PIEZO2: variants seen among roughly 807,000 people sequenced by gnomAD.
The protein encoded by PIEZO2 is piezo type mechanosensitive ion channel component 2.
Under a neutral mutation model 337.3 loss-of-function variants are expected in PIEZO2, and 172 were observed. That is an observed-to-expected ratio of 0.51 (90% CI 0.45 to 0.58). The LOEUF is 0.58. Ranked by LOEUF, PIEZO2 falls within the 20% of genes least tolerant of loss-of-function variation. The probability of loss-of-function intolerance (pLI) is 0.00; values close to 1 mark genes in which losing one functional copy is unlikely to be tolerated. For synonymous variants in PIEZO2, 1,251 were observed against 1,228.5 expected (o/e 1.02, Z -0.38); for missense variants, 3,028 against 3,391.3 (o/e 0.89, Z 2.66).
intron 3 of PIEZO2, among the ~76,000 whole-genome samples, chr18:10,944,877 C>A (rs1317877263): frequency 1.3e-5 from 2 of 151,900 alleles, no homozygotes; most frequent in African/African-American, 4.8e-5. Context: ...GACAGTGGTT[C>A]CTAAGGGGGG....
intron 4 of PIEZO2, among the ~76,000 whole-genome samples, chr18:10,887,988 G>A (rs1341707652): frequency 6.6e-6 from 1 of 152,082 alleles, no homozygotes; most frequent in Non-Finnish European, 1.5e-5. Context: ...TTTGAACTTT[G>A]TAAGGATATA....
In PIEZO2 at chr18:10,763,873, T is replaced by C. The variant is rs528967378; in HGVS notation, c.2947-775A>G. ...CGCGGATTCAACATGGGAGGCAAAATTAGCTGGACTTGATGACTGATTGGC... is the reference window on the plus strand; with the variant it reads ...CGCGGATTCAACATGGGAGGCAAAACTAGCTGGACTTGATGACTGATTGGC... On this transcript the variant is annotated intron_variant, in intron 21 of 55. Transcript: ENST00000674853. Among the ~76,000 whole-genome samples, 14 of 152,146 alleles carry C rather than the reference T, an allele frequency of 9.2e-5. No individual in the cohort carries two copies. In the East Asian group the frequency reaches 2.7e-3, roughly 29 times the overall value.
chr18:10,838,666 T>C (rs773545607), intron 7 of PIEZO2, among the ~76,000 whole-genome samples: 1 of 152,256 alleles, frequency 6.6e-6, no homozygotes, highest in Non-Finnish European at 1.5e-5. Context: ...ACAGGCATTC[T>C]TTCTCTGATG....
rs965882088 is a variant in PIEZO2 at position 10,830,449 on chromosome 18, G to A, written c.918-23175C>T. 6.6e-6 allele frequency among the ~76,000 whole-genome samples: 1 copy of A among 150,616 alleles called. No homozygotes were observed. The highest frequency in any genetic ancestry group is 2.0e-4 in the East Asian group (1 of 5,062). ...CCTAGCACCATTTATTGAAGAGACT[G>A]TCCTTTCCCCCCTTTTATGCCTCTG... On this transcript the variant is annotated intron_variant, in intron 7 of 55. Coordinates refer to ENST00000674853, the MANE Select transcript of PIEZO2 (RefSeq NM_001378183.1). This position sits in a 1 kb window ranked among gnomAD's most constrained non-coding sequence, Gnocchi z 4.7.
intron 1 of PIEZO2, among the ~76,000 whole-genome samples, chr18:11,085,408 T>C (rs1233922174): frequency 6.6e-6 from 1 of 152,158 alleles, no homozygotes; most frequent in African/African-American, 2.4e-5. Flanking sequence ...TTATTCCTCC[T>C]TTCCTTTTGA....
In PIEZO2 at chr18:10,830,241, G is replaced by A. The variant is rs547702351; in HGVS notation, c.918-22967C>T. 6.5e-4 allele frequency among the ~76,000 whole-genome samples: 99 copies of A among 152,244 alleles called. No homozygotes were observed. The highest frequency in any genetic ancestry group is 1.9e-3 in the African/African-American group (81 of 41,540). On this transcript the variant is annotated intron_variant, in intron 7 of 55. Coordinates refer to ENST00000674853, the MANE Select transcript of PIEZO2 (RefSeq NM_001378183.1). This position sits in a 1 kb window ranked among gnomAD's most constrained non-coding sequence, Gnocchi z 4.7. ...TGCTGGGAAAACTGGATATCCATAC[G>A]CAGAAGATTAACACTAGACCCCTAT... is the stretch of plus-strand genomic sequence containing the variant.
At position 11,027,823 on chromosome 18, in the gene PIEZO2, G is replaced by A. The variant is rs2036588195; in HGVS notation, c.160+38304C>T. 1.1e-5 allele frequency among the ~76,000 whole-genome samples: 1 copy of A among 88,242 alleles called. No individual in the cohort carries two copies. Among genetic ancestry groups the A allele is most frequent in the African/African-American group, 5.9e-5 (1 of 17,018 alleles). 57.9% of individuals were successfully genotyped at this position (88,242 alleles called of 152,430 possible). A position where few individuals can be genotyped will look rare whatever the true frequency, so the allele number is the denominator to read the frequency against. On this transcript the variant is annotated intron_variant, in intron 2 of 55. Transcript: ENST00000674853. This position sits in a 1 kb window ranked among gnomAD's most constrained non-coding sequence, Gnocchi z 4.2. Reference sequence around the variant, plus strand: ...GTTCAATACTGAAATTTCAGCTTATGACTTGGTAAGTGGTTTTTCCATTTG... The same window carrying A: ...GTTCAATACTGAAATTTCAGCTTATAACTTGGTAAGTGGTTTTTCCATTTG...
At position 11,143,623 on chromosome 18, in the gene PIEZO2, ACACACACACACACACACTCTCT is replaced by A. The variant is rs1201112738; in HGVS notation, c.64+4880_64+4901del. ...CTAACACACACACACACACACACAC[ACACACACACACACACACTCTCT>A]CTCTCTCTCTCTCTCTCTCTCTCTC... is the stretch of plus-strand genomic sequence containing the variant. On this transcript the variant is annotated intron_variant, in intron 1 of 55. Coordinates refer to ENST00000674853, the MANE Select transcript of PIEZO2 (RefSeq NM_001378183.1). This position sits in a 1 kb window ranked among gnomAD's most constrained non-coding sequence, Gnocchi z 4.9. Among the ~76,000 whole-genome samples the A allele has an allele frequency of 2.0e-4, 28 of 143,088 alleles. No homozygotes were observed. The highest frequency in any genetic ancestry group is 1.3e-3 in the Admixed American group (19 of 14,524). 93.9% of individuals were successfully genotyped at this position (143,088 alleles called of 152,430 possible).
chr18:11,091,090 A>G (rs778322836), intron 1 of PIEZO2, among the ~76,000 whole-genome samples: 2 of 152,144 alleles, frequency 1.3e-5, no homozygotes, highest in Non-Finnish European at 2.9e-5. Flanking sequence ...TTGAAATTTA[A>G]TAAGAAATAT....
At chr18:10,802,381 G>A (rs1480600148) in intron 9 of PIEZO2, among the ~76,000 whole-genome samples, 2 of 151,992 alleles carry the variant, frequency 1.3e-5, no homozygotes, top group Admixed American at 6.6e-5. Context: ...TCTACCATAC[G>A]AGAAATTAGA....
chr18:10,851,155 C>CTT (rs10592305), intron 7 of PIEZO2, among the ~76,000 whole-genome samples: 71 of 127,922 alleles, frequency 5.6e-4, no homozygotes, highest in East Asian at 1.6e-3. Flanking sequence ...TTTCTTTTAT[C>CTT]TTTTTTTTTT....
intron 2 of PIEZO2, among the ~76,000 whole-genome samples, chr18:11,015,731 G>A (rs1334643733): frequency 1.3e-5 from 2 of 152,116 alleles, no homozygotes; most frequent in Non-Finnish European, 2.9e-5. Flanking sequence ...GACTCTTGCA[G>A]CCCTGGTATT....
At chr18:10,956,144 T>C (rs2033510705) in intron 3 of PIEZO2, among the ~76,000 whole-genome samples, 1 of 152,210 alleles carries the variant, frequency 6.6e-6, no homozygotes, top group African/African-American at 2.4e-5. Context: ...TGATCCAGTT[T>C]AATCCATGAT....
intron 1 of PIEZO2, among the ~76,000 whole-genome samples, chr18:11,134,568 C>T (rs2040429690): frequency 1.3e-5 from 2 of 152,078 alleles, no homozygotes; most frequent in South Asian, 4.1e-4. Flanking sequence ...GTCCAAAAGT[C>T]TAGAATTTTT....
chr18:10,682,160 C>G lies in PIEZO2; in HGVS notation c.7630G>C (p.Gly2544Arg). Residue 2544 changes from glycine to arginine, a missense_variant, in exon 50 of 56, where the codon GGG (glycine) becomes CGG (arginine). Physicochemically the swap from Gly to Arg is moderately radical, Grantham distance 125. This residue lies in a region of PIEZO2 where 179 missense variants were observed against 281.8 expected (regional missense o/e 0.64). Transcript: ENST00000674853. The surrounding 1 kb of genome is among the most constrained non-coding windows in gnomAD (Gnocchi z 5.6). ...ACGTCCAGGGGCTGGTTGATGACCC[C>G]AGCCACAGATTTGATCAAAGACATG... ...LFMSLIKSVA[G>R]VINQPLDVSV... 6.5e-7 allele frequency: 1 copy of G among 1,537,178 alleles called. No homozygotes were observed. The highest frequency in any genetic ancestry group is 8.7e-7 in the Non-Finnish European group (1 of 1,146,896).
At chr18:10,995,380 C>T (rs1406841313) in intron 2 of PIEZO2, among the ~76,000 whole-genome samples, 1 of 152,062 alleles carries the variant, frequency 6.6e-6, no homozygotes, top group East Asian at 1.9e-4. Context: ...GTTCCTTTGT[C>T]GGATGTGTAG....
rs2041504679 is a variant in PIEZO2, at chr18:10,850,292, A to G, written c.917+5061T>C. Among the ~76,000 whole-genome samples, 1 of 152,206 alleles carries G rather than the reference A, an allele frequency of 6.6e-6. No individual in the cohort carries two copies. The highest frequency in any genetic ancestry group is 2.4e-5 in the African/African-American group (1 of 41,436). ...TTACTCTAGAGAAAAATGAAACTCC[A>G]GCCCTGTGCCACACATCGGCGTGGA... On this transcript the variant is annotated intron_variant, in intron 7 of 55. Coordinates refer to ENST00000674853, the MANE Select transcript of PIEZO2 (RefSeq NM_001378183.1). The surrounding 1 kb of genome is among the most constrained non-coding windows in gnomAD (Gnocchi z 4.5).
chr18:11,021,286 T>C lies in PIEZO2; in HGVS notation c.161-41626A>G, dbSNP rs549054003. Reference sequence around the variant, plus strand: ...CCCTGGAAAGAACTCCCAAACCGGTTTTCCATGGACCCAAAGTCAGTGTGG... The same window carrying C: ...CCCTGGAAAGAACTCCCAAACCGGTCTTCCATGGACCCAAAGTCAGTGTGG... On this transcript the variant is annotated intron_variant, in intron 2 of 55. Transcript: ENST00000674853. This position sits in a 1 kb window ranked among gnomAD's most constrained non-coding sequence, Gnocchi z 4.7. Among the ~76,000 whole-genome samples, 1 of 152,352 alleles carries C rather than the reference T, an allele frequency of 6.6e-6. No homozygotes were observed. Among genetic ancestry groups the C allele is most frequent in the South Asian group, 2.1e-4 (1 of 4,828 alleles).
At position 11,148,411 on chromosome 18, in the gene PIEZO2, G is replaced by C; in HGVS notation, c.64+114C>G. 2 of 1,219,982 alleles carry C rather than the reference G, an allele frequency of 1.6e-6. No homozygotes were observed. Among genetic ancestry groups the C allele is most frequent in the East Asian group, 5.1e-5 (2 of 39,008 alleles). 75.6% of individuals were successfully genotyped at this position (1,219,982 alleles called of 1,614,324 possible). A position where few individuals can be genotyped will look rare whatever the true frequency, so the allele number is the denominator to read the frequency against. On this transcript the variant is annotated intron_variant, in intron 1 of 55. Transcript: ENST00000674853. The surrounding 1 kb of genome is among the most constrained non-coding windows in gnomAD (Gnocchi z 5.2). ...GGGACAGCGCGCGTCTGACGCCGCT[G>C]GCCTCCCGAATCGAACCCCAGAGCA...
Sources: allele counts gnomAD v4.1 joint callset (sites outside exome capture counted in the v4.1 genomes callset), GRCh38; gene constraint gnomAD v4.1.1; regional missense constraint gnomAD v4.1.1; non-coding constraint Gnocchi (gnomAD v3.1); transcripts MANE v1.5; gene names NCBI Gene and HGNC (gene_info 2026-07-23, HGNC 2026-07-21).